SMOC2: variants seen among roughly 807,000 people sequenced by gnomAD.
SMOC2 encodes SPARC related modular calcium binding 2, also known as SPARC-related modular calcium-binding protein 2.
Under a neutral mutation model 61.4 loss-of-function variants are expected in SMOC2, and 39 were observed. That is an observed-to-expected ratio of 0.64 (90% CI 0.49 to 0.83). The LOEUF (loss-of-function observed/expected upper bound fraction) is 0.83. Among genes scored for constraint, SMOC2 ranks in the 40% least tolerant of loss-of-function variants. The pLI, the probability that SMOC2 is intolerant of heterozygous loss-of-function variation, is 0.00. For missense variants in SMOC2, 556 were observed against 592.9 expected, an observed-to-expected ratio of 0.94 and a Z score of 0.65; for synonymous variants, 247 against 239.9, an observed-to-expected ratio of 1.03 and a Z score of -0.27.
chr6:168,509,756 A>G (rs902325641), intron 1 of SMOC2, among the ~76,000 whole-genome samples, 159 bp from the exon 2 acceptor site: 1 of 152,218 alleles, frequency 6.6e-6, no homozygotes, highest in Non-Finnish European at 1.5e-5. Context: ...AAATGTTCAG[A>G]GGTGCACGTG....
At chr6:168,628,663 A>G (rs115936537) in intron 9 of SMOC2, among the ~76,000 whole-genome samples, 2,708 of 152,312 alleles carry the variant, frequency 0.018, 73 homozygotes, top group African/African-American at 0.062. Flanking sequence ...TTGTCTGCCT[A>G]TTCAACATGG....
chr6:168,583,549 G>A (rs1784972017), intron 7 of SMOC2, among the ~76,000 whole-genome samples: 1 of 151,838 alleles, frequency 6.6e-6, no homozygotes, highest in South Asian at 2.1e-4. Context: ...AGGGGTGTGG[G>A]TCTGACCCCC....
At chr6:168,467,584 AG>A (rs1781873793) in intron 1 of SMOC2, among the ~76,000 whole-genome samples, 1 of 152,166 alleles carries the variant, frequency 6.6e-6, no homozygotes, top group African/African-American at 2.4e-5. Context: ...CTGGGATTAC[AG>A]GCATGAGCCA....
At chr6:168,456,478 G>A (rs887582391) in intron 1 of SMOC2, among the ~76,000 whole-genome samples, 2 of 152,118 alleles carry the variant, frequency 1.3e-5, no homozygotes, top group East Asian at 1.9e-4. Flanking sequence ...AGGTACCTTC[G>A]GTGCTGCGAG....
intron 1 of SMOC2, among the ~76,000 whole-genome samples, chr6:168,442,163 A>C (rs1450421086): frequency 6.6e-6 from 1 of 152,250 alleles, no homozygotes; most frequent in African/African-American, 2.4e-5. Flanking sequence ...TTCCCTTCTC[A>C]GGACAGAACT....
chr6:168,445,441 C>T (rs966951871), intron 1 of SMOC2, among the ~76,000 whole-genome samples: 1 of 152,130 alleles, frequency 6.6e-6, no homozygotes, highest in Non-Finnish European at 1.5e-5. Context: ...AATATTTAGC[C>T]ATGTGTAATT....
chr6:168,608,448 C>T (rs943603416), intron 9 of SMOC2, among the ~76,000 whole-genome samples: 1 of 152,184 alleles, frequency 6.6e-6, no homozygotes, highest in Non-Finnish European at 1.5e-5. Context: ...GGGGCTTCCT[C>T]CCTGCTGCTG....
chr6:168,504,643 C>T (rs935047554), intron 1 of SMOC2, among the ~76,000 whole-genome samples: 1 of 152,068 alleles, frequency 6.6e-6, no homozygotes, highest in South Asian at 2.1e-4. Context: ...CAGCAGATAT[C>T]CCCCCAGATC....
chr6:168,607,608 G>A (rs1417605163), intron 8 of SMOC2, among the ~76,000 whole-genome samples: 6 of 148,252 alleles, frequency 4.0e-5, no homozygotes, highest in African/African-American at 7.4e-5. Context: ...TAACACTGAG[G>A]CAGACTTTCG....
chr6:168,464,210 GAAGA>G lies in SMOC2; in HGVS notation c.84+22760_84+22763del, dbSNP rs1361942374. On this transcript the variant is annotated intron_variant, in intron 1 of 12. Coordinates refer to ENST00000356284, the MANE Select transcript of SMOC2 (RefSeq NM_001166412.2). ...TCAAAAAAAAAAAAAAAAGAGGAAG[GAAGA>G]AAGGAAGGAAGGAAGAAAAGGAAGG... Among the ~76,000 whole-genome samples the G allele has an allele frequency of 2.4e-3, 356 of 148,670 alleles. 2 individuals carry two copies. Among genetic ancestry groups the G allele is most frequent in the South Asian group, 0.017 (78 of 4,648 alleles).
chr6:168,512,274 G>T (rs1312695018), intron 2 of SMOC2, among the ~76,000 whole-genome samples: 6 of 152,116 alleles, frequency 3.9e-5, no homozygotes, highest in Non-Finnish European at 7.4e-5. Context: ...GATGCAAATT[G>T]CTGTTCTGCA....
At chr6:168,486,637 G>A (rs138170226) in intron 1 of SMOC2, among the ~76,000 whole-genome samples, 10 of 151,324 alleles carry the variant, frequency 6.6e-5, no homozygotes, top group African/African-American at 9.7e-5. Context: ...GGCTGTGAGC[G>A]CATCCAAACC....
chr6:168,481,919 A>G (rs1193865707), intron 1 of SMOC2, among the ~76,000 whole-genome samples: 2 of 151,944 alleles, frequency 1.3e-5, no homozygotes, highest in East Asian at 1.9e-4. Context: ...GGAAAAATGT[A>G]TAGCTATTAA....
intron 1 of SMOC2, among the ~76,000 whole-genome samples, chr6:168,507,975 G>T (rs1479468802): frequency 6.6e-6 from 1 of 152,142 alleles, no homozygotes; most frequent in African/African-American, 2.4e-5. Flanking sequence ...AAGTAGCTTT[G>T]TGAGCTCCAA....
chr6:168,635,414 C>T (rs970631285), intron 9 of SMOC2, among the ~76,000 whole-genome samples: 1 of 152,130 alleles, frequency 6.6e-6, no homozygotes, highest in Non-Finnish European at 1.5e-5. Flanking sequence ...TCAGGGGTCC[C>T]GTGGCCCCGC....
At chr6:168,665,426 C>A (rs529267853) in intron 12 of SMOC2, among the ~76,000 whole-genome samples, 1 of 152,372 alleles carries the variant, frequency 6.6e-6, no homozygotes, top group South Asian at 2.1e-4. Flanking sequence ...CACCATGTTG[C>A]TTTGAAACAT....
chr6:168,492,871 G>T (rs1782500521), intron 1 of SMOC2, among the ~76,000 whole-genome samples: 1 of 152,210 alleles, frequency 6.6e-6, no homozygotes, highest in Admixed American at 6.5e-5. Flanking sequence ...TCTCTTCCTT[G>T]TGTTGTAGGT....
intron 9 of SMOC2, among the ~76,000 whole-genome samples, chr6:168,622,952 C>T (rs1007553848): frequency 6.6e-6 from 1 of 152,128 alleles, no homozygotes; most frequent in Non-Finnish European, 1.5e-5. Flanking sequence ...GATTGAACTT[C>T]CGAGCAGTCA....
intron 1 of SMOC2, among the ~76,000 whole-genome samples, chr6:168,467,191 C>T (rs1304408920): frequency 1.4e-5 from 2 of 140,480 alleles, no homozygotes; most frequent in Non-Finnish European, 3.1e-5. Flanking sequence ...ACGTTTATTT[C>T]GAGACAGGGT....
Sources: allele counts gnomAD v4.1 joint callset (sites outside exome capture counted in the v4.1 genomes callset), GRCh38; gene constraint gnomAD v4.1.1; transcripts MANE v1.5; gene names NCBI Gene and HGNC (gene_info 2026-07-23, HGNC 2026-07-21).